Variants in TMEM44 observed in about 807,000 individuals in gnomAD.
The protein encoded by TMEM44 is transmembrane protein 44.
TMEM44 carries 43 observed loss-of-function variants against 47.8 expected under a neutral mutation model. The observed-to-expected ratio is 0.90, with a 90% confidence interval of 0.70 to 1.16. TMEM44 has a LOEUF of 1.16. TMEM44 is among the 50% of genes most tolerant of loss of function. The pLI is 0.00. For missense variants in TMEM44, 568 were observed against 555.2 expected, an observed-to-expected ratio of 1.02 and a Z score of -0.23; for synonymous variants, 277 against 238.8, an observed-to-expected ratio of 1.16 and a Z score of -1.48.
At chr3:194,628,763 T>C (rs1577230599) in intron 1 of TMEM44, among the ~76,000 whole-genome samples, 1 of 152,246 alleles carries the variant, frequency 6.6e-6, no homozygotes, top group East Asian at 1.9e-4. Flanking sequence ...AAGAGGAATT[T>C]TACTTTCCGA....
intron 1 of TMEM44, among the ~76,000 whole-genome samples, chr3:194,629,925 G>A (rs1405503175): frequency 2.1e-5 from 1 of 48,080 alleles, no homozygotes; most frequent in African/African-American, 8.5e-5. Context: ...GAAATAATAC[G>A]CTGTCGTACT....
intron 9 of TMEM44, among the ~76,000 whole-genome samples, chr3:194,600,068 A>C (rs1393749120): frequency 6.7e-6 from 1 of 149,446 alleles, no homozygotes; most frequent in Non-Finnish European, 1.5e-5. Context: ...CCCCTTTTCC[A>C]AATTTTCTAC....
chr3:194,595,518 G>A (rs1202212354), intron 9 of TMEM44, among the ~76,000 whole-genome samples: 1 of 152,142 alleles, frequency 6.6e-6, no homozygotes, highest in Non-Finnish European at 1.5e-5. Context: ...CCTTTGGGGA[G>A]AAGTGACATC....
Position 194,628,423 on chromosome 3 carries a change from T to C in TMEM44, c.224A>G (p.Asp75Gly). The C allele has an allele frequency of 6.2e-7, 1 of 1,610,950 alleles. No homozygotes were observed. Among genetic ancestry groups the C allele is most frequent in the African/African-American group, 1.3e-5 (1 of 75,006 alleles). The change falls in exon 2 of 10, where the codon GAC (aspartate) becomes GGC (glycine). Residue 75 changes from aspartate (D) to glycine (G), a missense_variant. Asp to Gly is a moderately conservative substitution (Grantham distance 94). Transcript: ENST00000347147. Reference protein sequence around the residue: ...AACCLLTSLCDTVGALLARQL... With the variant: ...AACCLLTSLCGTVGALLARQL... ...TCTGGCCAGAAGAGCCCCGACGGTGTCACACAGACTGGTCAGGAGGCAGCA... is the reference window on the plus strand; with the variant it reads ...TCTGGCCAGAAGAGCCCCGACGGTGCCACACAGACTGGTCAGGAGGCAGCA...
intron 1 of TMEM44, chr3:194,632,866 C>T: frequency 1.2e-6 from 1 of 839,162 alleles, no homozygotes; most frequent in Non-Finnish European, 1.7e-6. Context: ...CACCCAGCCT[C>T]CTCCCTTTGG....
chr3:194,604,614 G>A (rs1411243661), intron 8 of TMEM44, among the ~76,000 whole-genome samples, 169 bp from the exon 9 acceptor site: 1 of 152,228 alleles, frequency 6.6e-6, no homozygotes. Flanking sequence ...AGGGCAGCCA[G>A]TGCCCTGTGT....
rs1166746476 is a variant in TMEM44 at position 194,617,189 on chromosome 3, G to A, written c.693C>T (p.Ala231=). The A allele has an allele frequency of 6.4e-7, 1 of 1,554,094 alleles. No homozygotes were observed. The highest frequency in any genetic ancestry group is 2.4e-5 in the East Asian group (1 of 41,380). Residue 231 remains alanine, a synonymous_variant, in exon 6 of 10, where the codon GCC becomes GCT. Transcript: ENST00000347147. ...CAGGGTGCTGGTCGTGGGCCACAAT[G>A]GCCGAGGCATAGAGGAGGCCAGCCA... ...SALAGLLYAS[A]IVAHDQHPEY... is the part of the protein sequence containing the mutation.
At chr3:194,633,054 G>GCCGCCCGACAA in intron 1 of TMEM44, 25 bp downstream of exon 1, 3 of 1,545,400 alleles carry the variant, frequency 1.9e-6, no homozygotes, top group Non-Finnish European at 2.6e-6. Context: ...CCGCCCGACA[G>GCCGCCCGACAA]CCCCCCGACC....
At chr3:194,623,334 A>G (rs1716783207) in intron 4 of TMEM44, 24 bp from the exon 5 acceptor site, 2 of 1,586,428 alleles carry the variant, frequency 1.3e-6, no homozygotes, top group Non-Finnish European at 1.7e-6. Context: ...CAGGTGATCC[A>G]CCATCAGTAC....
chr3:194,625,303 T>C (rs1382417436), intron 3 of TMEM44, among the ~76,000 whole-genome samples: 2 of 152,178 alleles, frequency 1.3e-5, no homozygotes, highest in Non-Finnish European at 2.9e-5. Flanking sequence ...TGGAGTGCCC[T>C]GCCTGTGGCC....
intron 2 of TMEM44, 111 bp downstream of exon 2, chr3:194,628,272 G>T: frequency 7.1e-7 from 1 of 1,413,938 alleles, no homozygotes; most frequent in Non-Finnish European, 9.5e-7. Flanking sequence ...GTGACACTGT[G>T]CTATGCATGT....
At chr3:194,612,081 C>T (rs1291329610) in intron 7 of TMEM44, among the ~76,000 whole-genome samples, 1 of 151,862 alleles carries the variant, frequency 6.6e-6, no homozygotes, top group Non-Finnish European at 1.5e-5. Context: ...CTGGACCACA[C>T]CCTCAGTTTC....
At chr3:194,627,124 T>G (rs1191564548) in intron 2 of TMEM44, among the ~76,000 whole-genome samples, 1 of 152,212 alleles carries the variant, frequency 6.6e-6, no homozygotes, top group Non-Finnish European at 1.5e-5. Flanking sequence ...CTTGATCTCC[T>G]GACCTCAGGC....
Position 194,623,683 on chromosome 3 carries a change from C to T in TMEM44, c.371G>A (p.Arg124Gln), listed in dbSNP as rs1027575666. 8.7e-6 allele frequency: 14 copies of T among 1,613,790 alleles called. No homozygotes were observed. The Admixed American group carries it at 1.5e-4, about 17-fold the overall frequency. ...GAGCTGCCGCCTCCTCTTCCTCTCT[C>T]GGGCTTCCCGATCTGCAACAGACAC... ...KFKSNSDREA[R>Q]ERKRRRQLRA... The change falls in exon 4 of 10, where the codon CGA becomes CAA. Residue 124 changes from arginine (R) to glutamine (Q), a missense_variant. Coordinates refer to ENST00000347147, the MANE Select transcript of TMEM44 (RefSeq NM_001011655.3).
In TMEM44 at chr3:194,604,308, G is replaced by A. The variant is rs548513667; in HGVS notation, c.1155C>T (p.Ser385=). Residue 385 remains serine (S), a synonymous_variant, in exon 9 of 10, where the codon TCC becomes TCT. Transcript: ENST00000347147. ...RVSSGSSSEV[S]SINSDLEWDP... ...GTACCTCCAGGTCGGAGTTGATGGA[G>A]GAGACCTCAGAGGAGCTGCCGGAAG... is the stretch of plus-strand genomic sequence containing the variant. The A allele has an allele frequency of 1.9e-6, 3 of 1,581,300 alleles. No individual in the cohort carries two copies. The African/African-American group carries it at 4.0e-5, about 21-fold the overall frequency.
chr3:194,592,680 A>G (rs1712913344), intron 9 of TMEM44, among the ~76,000 whole-genome samples: 1 of 151,812 alleles, frequency 6.6e-6, no homozygotes, highest in African/African-American at 2.4e-5. Context: ...CAATGGTGCA[A>G]TCTCGGCTCA....
At chr3:194,628,280 T>C in intron 2 of TMEM44, 103 bp downstream of exon 2, 2 of 1,455,838 alleles carry the variant, frequency 1.4e-6, no homozygotes, top group Non-Finnish European at 1.8e-6. Flanking sequence ...GTGCTATGCA[T>C]GTTGCAGCAA....
intron 7 of TMEM44, among the ~76,000 whole-genome samples, chr3:194,612,888 G>A (rs925164199): frequency 1.3e-5 from 2 of 151,962 alleles, no homozygotes; most frequent in Non-Finnish European, 2.9e-5. Flanking sequence ...TCCTGACCTC[G>A]TGATCCGCCC....
In TMEM44 at chr3:194,617,173, G is replaced by T. The variant is rs760646334; in HGVS notation, c.709C>A (p.Gln237Lys). Reference sequence around the variant, plus strand: ...GCCCGCAGCAGGTACTCAGGGTGCTGGTCGTGGGCCACAATGGCCGAGGCA... The same window carrying T: ...GCCCGCAGCAGGTACTCAGGGTGCTTGTCGTGGGCCACAATGGCCGAGGCA... ...LYASAIVAHD[Q>K]HPEYLLRATP... The change falls in exon 6 of 10, where the codon CAG becomes AAG. Residue 237 changes from glutamine (Q) to lysine (K), a missense_variant. Gln to Lys is a moderately conservative substitution (Grantham distance 53). Coordinates refer to ENST00000347147, the MANE Select transcript of TMEM44 (RefSeq NM_001011655.3). 1.9e-5 allele frequency: 29 copies of T among 1,554,830 alleles called. No individual in the cohort carries two copies. The highest frequency in any genetic ancestry group is 2.5e-5 in the Non-Finnish European group (29 of 1,149,708).
Sources: allele counts gnomAD v4.1 joint callset (sites outside exome capture counted in the v4.1 genomes callset), GRCh38; gene constraint gnomAD v4.1.1; transcripts MANE v1.5; gene names NCBI Gene and HGNC (gene_info 2026-07-23, HGNC 2026-07-21).